MYRIP: variants seen among roughly 807,000 people sequenced by gnomAD.
The protein encoded by MYRIP is myosin VIIA and Rab interacting protein.
MYRIP carries 49 observed loss-of-function variants against 98.0 expected under a neutral mutation model. The observed-to-expected ratio is 0.50, with a 90% CI of 0.40 to 0.63. The LOEUF is 0.63. MYRIP is among the 30% of genes least tolerant of loss of function. The pLI is 0.00. For synonymous variants in MYRIP, 404 were observed against 409.5 expected (o/e 0.99, Z 0.16); for missense variants, 1,004 against 1,058.2 (o/e 0.95, Z 0.71).
At chr3:39,872,917 A>G (rs1942848194) in intron 1 of MYRIP, among the ~76,000 whole-genome samples, 1 of 152,146 alleles carries the variant, frequency 6.6e-6, no homozygotes, top group Non-Finnish European at 1.5e-5. Context: ...CGCCACACTG[A>G]CTTCCACAAT....
chr3:40,192,335 ATATATGT>A, intron 10 of MYRIP, among the ~76,000 whole-genome samples: 1 of 132,340 alleles, frequency 7.6e-6, no homozygotes. Flanking sequence ...TGTCATATAT[ATATATGT>A]CATATATATA....
intron 2 of MYRIP, among the ~76,000 whole-genome samples, chr3:39,919,693 GGTGTGT>G (rs62719862): frequency 1.3e-3 from 186 of 143,348 alleles, no homozygotes; most frequent in South Asian, 1.6e-3. Flanking sequence ...GGGTATGTGT[GGTGTGT>G]GTGTGTGTGT....
intron 3 of MYRIP, among the ~76,000 whole-genome samples, chr3:40,081,901 C>G (rs144384744): frequency 6.6e-6 from 1 of 152,172 alleles, no homozygotes; most frequent in Admixed American, 6.5e-5. Flanking sequence ...TTATATTCCA[C>G]GTATGAGCAA....
intron 3 of MYRIP, among the ~76,000 whole-genome samples, chr3:40,090,632 CT>C (rs1181583972): frequency 6.6e-6 from 1 of 152,194 alleles, no homozygotes; most frequent in African/African-American, 2.4e-5. Flanking sequence ...GCTTCATTCA[CT>C]TTTAACTGAT....
intron 2 of MYRIP, among the ~76,000 whole-genome samples, chr3:40,002,402 G>A (rs752044036): frequency 2.6e-5 from 4 of 152,064 alleles, no homozygotes; most frequent in Non-Finnish European, 5.9e-5. Context: ...GGGCATAGTG[G>A]CGTGTGCCTG....
In MYRIP at chr3:39,883,725, A is replaced by G. The variant is rs545592296; in HGVS notation, c.-30-17062A>G. ...TTTAATGGCAGATTTAATATACATG[A>G]AGAGAAAATAAATAAAAAAAGAATT... On this transcript the variant is annotated intron_variant, in intron 1 of 16. Transcript: ENST00000302541. 3.3e-5 allele frequency among the ~76,000 whole-genome samples: 5 copies of G among 152,158 alleles called. No homozygotes were observed. The South Asian group carries it at 1.0e-3, about 32-fold the overall frequency.
At position 39,886,674 on chromosome 3, in the gene MYRIP, T is replaced by C. The variant is rs1448493723; in HGVS notation, c.-30-14113T>C. ...TATATATGCACCCAATACAGGAGCA[T>C]CCAGATTCATAAAGCAAGTCCTGAG... On this transcript the variant is annotated intron_variant, in intron 1 of 16. Transcript: ENST00000302541. Among the ~76,000 whole-genome samples the C allele has an allele frequency of 1.5e-4, 23 of 151,370 alleles. No individual in the cohort carries two copies. The South Asian group carries it at 2.1e-3, about 14-fold the overall frequency.
At chr3:39,950,512 T>C (rs182838172) in intron 2 of MYRIP, among the ~76,000 whole-genome samples, 1 of 152,234 alleles carries the variant, frequency 6.6e-6, no homozygotes, top group African/African-American at 2.4e-5. Context: ...TTATGAATTC[T>C]GAGATGATTG....
intron 3 of MYRIP, among the ~76,000 whole-genome samples, chr3:40,046,736 G>T (rs150360579): frequency 6.0e-4 from 91 of 151,866 alleles, no homozygotes; most frequent in African/African-American, 2.1e-3. Context: ...ATTGGCGTTT[G>T]ATCTTTAAGG....
intron 3 of MYRIP, among the ~76,000 whole-genome samples, chr3:40,063,601 G>C (rs4676563): frequency 0.29 from 44,019 of 151,990 alleles, 6,453 homozygotes; most frequent in East Asian, 0.36. Context: ...GTTGGTCTGT[G>C]TTTTACTTGT....
At chr3:39,814,403 G>A (rs563500093) in intron 1 of MYRIP, among the ~76,000 whole-genome samples, 1 of 152,012 alleles carries the variant, frequency 6.6e-6, no homozygotes, top group Admixed American at 6.5e-5. Flanking sequence ...AATTTTTTGT[G>A]TATTTCCATT....
At chr3:40,205,578 G>A (rs889258092) in intron 10 of MYRIP, among the ~76,000 whole-genome samples, 10 of 152,156 alleles carry the variant, frequency 6.6e-5, no homozygotes, top group African/African-American at 2.4e-4. Context: ...AAAATGTTTT[G>A]TACCCAGATA....
intron 1 of MYRIP, among the ~76,000 whole-genome samples, chr3:39,833,582 C>T (rs1941537141): frequency 6.6e-6 from 1 of 152,318 alleles, no homozygotes; most frequent in Non-Finnish European, 1.5e-5. Context: ...TCCTGACTTT[C>T]AGGTTCTCCT....
intron 2 of MYRIP, among the ~76,000 whole-genome samples, chr3:39,993,476 C>T (rs921298441): frequency 1.3e-5 from 2 of 152,200 alleles, no homozygotes; most frequent in Non-Finnish European, 2.9e-5. Context: ...TCCCTTGCAC[C>T]TAAGCATCTG....
At position 40,151,196 on chromosome 3, in the gene MYRIP, TC is replaced by T; in HGVS notation, c.469+14del. ...CTTCGACATTCTAGGTACTCTCACT[TC>T]CTGCCGCTCTGGGAGTCTTTGGTGG... On this transcript the variant is annotated intron_variant, in intron 4 of 16. Coordinates refer to ENST00000302541, the MANE Select transcript of MYRIP (RefSeq NM_015460.4). 6.3e-7 allele frequency: 1 copy of T among 1,589,522 alleles called. No homozygotes were observed. The highest frequency in any genetic ancestry group is 8.6e-7 in the Non-Finnish European group (1 of 1,165,022).
chr3:40,192,363 T>TA (rs1951260281), intron 10 of MYRIP, among the ~76,000 whole-genome samples: 2 of 76,952 alleles, frequency 2.6e-5, no homozygotes, highest in East Asian at 2.6e-4. Flanking sequence ...TTTATATTTA[T>TA]TTAAGTTATT....
chr3:40,166,790 A>C, intron 5 of MYRIP, 56 bp from the exon 6 acceptor site: 1 of 1,194,240 alleles, frequency 8.4e-7, no homozygotes, highest in Non-Finnish European at 1.2e-6. Context: ...AGCTTGAACA[A>C]TCGTTTTACT....
chr3:39,886,470 C>T (rs1943306956), intron 1 of MYRIP, among the ~76,000 whole-genome samples: 1 of 148,712 alleles, frequency 6.7e-6, no homozygotes, highest in Non-Finnish European at 1.5e-5. Flanking sequence ...CACACATAGG[C>T]TCAAAATAAA....
intron 10 of MYRIP, among the ~76,000 whole-genome samples, chr3:40,203,465 T>C (rs1023572764): frequency 1.3e-5 from 2 of 151,698 alleles, no homozygotes; most frequent in African/African-American, 4.8e-5. Context: ...AACATACCTC[T>C]TTTTTAGGTG....
Sources: allele counts gnomAD v4.1 joint callset (sites outside exome capture counted in the v4.1 genomes callset), GRCh38; gene constraint gnomAD v4.1.1; transcripts MANE v1.5; gene names NCBI Gene and HGNC (gene_info 2026-07-23, HGNC 2026-07-21).